LUC7L2: variants seen among roughly 807,000 people sequenced by gnomAD.
The protein encoded by LUC7L2 is putative RNA-binding protein Luc7-like 2.
Under a neutral mutation model 52.8 loss-of-function variants are expected in LUC7L2, and 25 were observed. The observed-to-expected ratio is 0.47, with a 90% CI of 0.34 to 0.66. The LOEUF is 0.66. Ranked by LOEUF, LUC7L2 falls within the 30% of genes least tolerant of loss-of-function variation. The pLI is 0.01. For synonymous variants in LUC7L2, 144 were observed against 160.9 expected (o/e 0.89, Z 0.80); for missense variants, 328 against 497.8 (o/e 0.66, Z 3.25).
chr7:139,411,518 A>T (rs766418409), intron 7 of LUC7L2, among the ~76,000 whole-genome samples: 1 of 152,144 alleles, frequency 6.6e-6, no homozygotes, highest in African/African-American at 2.4e-5. Flanking sequence ...CTGAGAGAGG[A>T]TATGTAACTT....
At chr7:139,374,281 T>C (rs1038446547) in intron 1 of LUC7L2, 27 of 740,016 alleles carry the variant, frequency 3.6e-5, no homozygotes, top group Non-Finnish European at 5.6e-5. Context: ...TTGTTCACTT[T>C]TGTTTTTATA....
chr7:139,371,575 A>G, intron 1 of LUC7L2: 1 of 1,307,184 alleles, frequency 7.7e-7, no homozygotes, highest in South Asian at 1.3e-5. Flanking sequence ...GAGGGGGCGG[A>G]TATTGGGAAG....
At chr7:139,340,776 T>C (rs1798903089) in intron 1 of LUC7L2, among the ~76,000 whole-genome samples, 1 of 151,900 alleles carries the variant, frequency 6.6e-6, no homozygotes, top group Non-Finnish European at 1.5e-5. Flanking sequence ...TGGGGTGGCC[T>C]GTGACTTTTG....
chr7:139,370,370 A>C (rs1303428130), intron 1 of LUC7L2, among the ~76,000 whole-genome samples: 1 of 152,206 alleles, frequency 6.6e-6, no homozygotes, highest in African/African-American at 2.4e-5. Flanking sequence ...GAAGATGTAA[A>C]AATGATCAGA....
chr7:139,401,525 T>C (rs1003583556), intron 3 of LUC7L2, among the ~76,000 whole-genome samples: 23 of 152,322 alleles, frequency 1.5e-4, no homozygotes, highest in African/African-American at 4.3e-4. Context: ...CGATCTTGGC[T>C]CACTGCAACC....
intron 1 of LUC7L2, chr7:139,374,837 C>T: frequency 9.8e-7 from 1 of 1,022,454 alleles, no homozygotes; most frequent in Non-Finnish European, 1.2e-6. Flanking sequence ...TAGTATATGA[C>T]CATATGAAGG....
At chr7:139,368,355 TA>T (rs1029288663) in intron 1 of LUC7L2, among the ~76,000 whole-genome samples, 2 of 152,184 alleles carry the variant, frequency 1.3e-5, no homozygotes, top group African/African-American at 4.8e-5. Context: ...TGTCTGCATT[TA>T]AAAAAATGTT....
chr7:139,365,398 T>A (rs1800103367), intron 1 of LUC7L2, among the ~76,000 whole-genome samples: 1 of 152,140 alleles, frequency 6.6e-6, no homozygotes, highest in African/African-American at 2.4e-5. Context: ...GCAAGTAAAT[T>A]CTTTTATTTT....
In LUC7L2 at chr7:139,375,083, TATC is replaced by T. The variant is rs1249856707; in HGVS notation, c.62-976_62-974del. 5 of 983,880 alleles carry T rather than the reference TATC, an allele frequency of 5.1e-6. No individual in the cohort carries two copies. The East Asian group carries it at 5.7e-4, about 112-fold the overall frequency. The allele number at this position is 983,880 out of a possible 1,614,324, so 60.9% of individuals were successfully genotyped here. A position where few individuals can be genotyped will look rare whatever the true frequency, so the allele number is the denominator to read the frequency against. ...TAAAACACCTACATTTCTTAGGGCT[TATC>T]ATTCTATATAGAAAGAGGAAACATC... On this transcript the variant is annotated intron_variant, in intron 1 of 9. Transcript: ENST00000354926.
chr7:139,398,047 T>C (rs1247443146), intron 2 of LUC7L2, among the ~76,000 whole-genome samples: 2 of 152,014 alleles, frequency 1.3e-5, no homozygotes, highest in Non-Finnish European at 2.9e-5. Flanking sequence ...TTGAGACAGG[T>C]GTTAGTGTGT....
chr7:139,344,266 T>C (rs1799149245), intron 1 of LUC7L2, among the ~76,000 whole-genome samples: 1 of 152,174 alleles, frequency 6.6e-6, no homozygotes, highest in Non-Finnish European at 1.5e-5. Flanking sequence ...TCAGTAACTG[T>C]GGGGACTGGT....
Position 139,412,536 on chromosome 7 carries a change from A to ACT in LUC7L2, c.780-15_780-14insCT, listed in dbSNP as rs11409457. The ACT allele has an allele frequency of 1.1e-3, 1,536 of 1,424,682 alleles. 4 individuals are homozygous for ACT. Among genetic ancestry groups the ACT allele is most frequent in the African/African-American group, 6.5e-3 (445 of 68,856 alleles). The allele number at this position is 1,424,682 out of a possible 1,614,324, so 88.3% of individuals were successfully genotyped here. A position where few individuals can be genotyped will look rare whatever the true frequency, so the allele number is the denominator to read the frequency against. ...TATAGCCACTTTTCTAAAAATACAT[A>ACT]TTTTTTTTTTTTAGGTCCCGATCAC... On this transcript the variant is annotated splice_polypyrimidine_tract_variant and intron_variant, in intron 7 of 9. Transcript: ENST00000354926.
At chr7:139,363,523 TATGTTATACTCAGAA>T (rs1343615832) in intron 1 of LUC7L2, among the ~76,000 whole-genome samples, 1 of 152,246 alleles carries the variant, frequency 6.6e-6, no homozygotes, top group African/African-American at 2.4e-5. Flanking sequence ...AATAATTTCC[TATGTTATACTCAGAA>T]ATGTTGAAAA....
At chr7:139,366,109 G>A (rs986476887) in intron 1 of LUC7L2, among the ~76,000 whole-genome samples, 1 of 152,186 alleles carries the variant, frequency 6.6e-6, no homozygotes, top group Non-Finnish European at 1.5e-5. Context: ...AAAGTAACAT[G>A]AAGTCCATTC....
At chr7:139,393,953 C>A (rs911164459) in intron 2 of LUC7L2, among the ~76,000 whole-genome samples, 1 of 152,146 alleles carries the variant, frequency 6.6e-6, no homozygotes, top group Admixed American at 6.6e-5. Context: ...TAATTAGGCC[C>A]TTGGTCCTAG....
At chr7:139,390,678 C>T (rs988073461) in intron 2 of LUC7L2, among the ~76,000 whole-genome samples, 5 of 152,014 alleles carry the variant, frequency 3.3e-5, no homozygotes, top group Admixed American at 1.3e-4. Flanking sequence ...GCCTCAGCCT[C>T]CCAAGTAGCT....
intron 1 of LUC7L2, among the ~76,000 whole-genome samples, chr7:139,349,614 T>TCC (rs10581534): frequency 1.6e-4 from 22 of 134,426 alleles, no homozygotes; most frequent in Middle Eastern, 4.0e-3. Flanking sequence ...TGTCAACTGC[T>TCC]CCCCCCCCCC....
At chr7:139,370,778 G>T (rs947902863) in intron 1 of LUC7L2, among the ~76,000 whole-genome samples, 1 of 152,178 alleles carries the variant, frequency 6.6e-6, no homozygotes, top group Non-Finnish European at 1.5e-5. Flanking sequence ...CTTGTGCACT[G>T]CTTTAGATCT....
intron 1 of LUC7L2, among the ~76,000 whole-genome samples, chr7:139,362,739 C>G (rs1427438602): frequency 6.6e-6 from 1 of 151,030 alleles, no homozygotes; most frequent in Non-Finnish European, 1.5e-5. Flanking sequence ...GTGAAGGAAT[C>G]TGAAGTGGCA....
Sources: allele counts gnomAD v4.1 joint callset (sites outside exome capture counted in the v4.1 genomes callset), GRCh38; gene constraint gnomAD v4.1.1; transcripts MANE v1.5; gene names NCBI Gene and HGNC (gene_info 2026-07-23, HGNC 2026-07-21).